The following SLC25A31 variants were observed in gnomAD, a reference collection of about 807,000 sequenced individuals.
SLC25A31 encodes ADP/ATP translocase 4.
SLC25A31 carries 40 observed loss-of-function variants against 36.2 expected under a neutral mutation model. The observed-to-expected ratio is 1.10, with a 90% confidence interval of 0.86 to 1.44. SLC25A31 has a LOEUF of 1.44. Ranked by LOEUF, SLC25A31 falls within the 40% of genes most tolerant of loss-of-function variation. The pLI is 0.00. For missense variants in SLC25A31, 350 were observed against 397.1 expected, an observed-to-expected ratio of 0.88 and a Z score of 1.01; for synonymous variants, 143 against 149.7, an observed-to-expected ratio of 0.96 and a Z score of 0.32.
At chr4:127,737,568 T>C (rs75330039) in intron 1 of SLC25A31, among the ~76,000 whole-genome samples, 6 of 151,876 alleles carry the variant, frequency 4.0e-5, no homozygotes, top group Non-Finnish European at 7.4e-5. Context: ...TTTTTTTTTT[T>C]CTTTTAGATA....
chr4:127,733,384 T>C (rs1731565706), intron 1 of SLC25A31, among the ~76,000 whole-genome samples: 1 of 152,206 alleles, frequency 6.6e-6, no homozygotes. Context: ...CAAAATGCTC[T>C]AATAAGCATT....
At chr4:127,751,835 C>G (rs1481138493) in intron 2 of SLC25A31, among the ~76,000 whole-genome samples, 1 of 152,022 alleles carries the variant, frequency 6.6e-6, no homozygotes, top group African/African-American at 2.4e-5. Flanking sequence ...TCATCACTGG[C>G]CATCAGAGAA....
intron 3 of SLC25A31, among the ~76,000 whole-genome samples, chr4:127,765,602 T>G (rs1333734404): frequency 1.3e-5 from 2 of 152,118 alleles, no homozygotes. Flanking sequence ...TGCACACATA[T>G]TCACACCCCA....
intron 2 of SLC25A31, among the ~76,000 whole-genome samples, chr4:127,751,823 C>T (rs1731938936): frequency 6.6e-6 from 1 of 152,116 alleles, no homozygotes; most frequent in African/African-American, 2.4e-5. Context: ...AAAAAATGCT[C>T]ATCATCACTG....
At chr4:127,738,557 T>C (rs1187810292) in intron 1 of SLC25A31, among the ~76,000 whole-genome samples, 2 of 152,222 alleles carry the variant, frequency 1.3e-5, no homozygotes, top group East Asian at 3.8e-4. Flanking sequence ...GTATGTTCCA[T>C]GTGTAGAAGA....
In SLC25A31 at chr4:127,762,409, G is replaced by A. The variant is rs1399882045; in HGVS notation, c.361-1834G>A. 2.0e-5 allele frequency among the ~76,000 whole-genome samples: 3 copies of A among 152,148 alleles called. No individual in the cohort carries two copies. In the East Asian group the frequency reaches 5.8e-4, roughly 29 times the overall value. On this transcript the variant is annotated intron_variant, in intron 2 of 5. Transcript: ENST00000281154. ...AGAGACAGAAAGTAGTTTAATGGTT[G>A]CCTAGGACTTAAGGAGGTAGGGAGG...
intron 2 of SLC25A31, among the ~76,000 whole-genome samples, chr4:127,753,557 A>G (rs1560635986): frequency 6.6e-6 from 1 of 152,186 alleles, no homozygotes; most frequent in Non-Finnish European, 1.5e-5. Flanking sequence ...GAAAATTTAT[A>G]TGCCAAGTAA....
intron 4 of SLC25A31, among the ~76,000 whole-genome samples, chr4:127,767,503 A>G (rs1190738858): frequency 6.6e-6 from 1 of 152,194 alleles, no homozygotes; most frequent in Non-Finnish European, 1.5e-5. Flanking sequence ...AGCTTACATC[A>G]TAATCAAATC....
In SLC25A31 at chr4:127,773,567, G is replaced by C; in HGVS notation, c.941G>C (p.Gly314Ala). 6.3e-7 allele frequency: 1 copy of C among 1,590,288 alleles called. No individual in the cohort carries two copies. Among genetic ancestry groups the C allele is most frequent in the Non-Finnish European group, 8.5e-7 (1 of 1,170,626 alleles). ...GAATTCTTTCATATTGATATTGGTGGTAGGTAATCGGGAGAGTAAATTAAG... is the reference window on the plus strand; with the variant it reads ...GAATTCTTTCATATTGATATTGGTGCTAGGTAATCGGGAGAGTAAATTAAG... ...IKEFFHIDIGGR is the reference protein window; with the variant it reads ...IKEFFHIDIGAR The change falls in exon 6 of 6, where the codon GGT becomes GCT. Residue 314 changes from glycine to alanine, a missense_variant. Coordinates refer to ENST00000281154, the MANE Select transcript of SLC25A31 (RefSeq NM_031291.4).
At chr4:127,751,559 A>C (rs1731933281) in intron 2 of SLC25A31, among the ~76,000 whole-genome samples, 1 of 152,254 alleles carries the variant, frequency 6.6e-6, no homozygotes, top group African/African-American at 2.4e-5. Context: ...AACACAAGCC[A>C]AAATTGACAA....
chr4:127,744,907 A>G (rs1414831986), intron 2 of SLC25A31, 108 bp downstream of exon 2: 3 of 885,962 alleles, frequency 3.4e-6, no homozygotes, highest in Non-Finnish European at 4.7e-6. Context: ...AATTTTCTTT[A>G]AAATGGTTAG....
intron 2 of SLC25A31, 45 bp from the exon 3 acceptor site, chr4:127,764,194 CAGTT>C: frequency 1.4e-6 from 2 of 1,458,802 alleles, no homozygotes; most frequent in African/African-American, 2.8e-5. Context: ...GTATTTTAAA[CAGTT>C]AGATTCTGTG....
chr4:127,744,691 T>A lies in SLC25A31; in HGVS notation c.252T>A (p.Arg84=). Residue 84 remains arginine (R), a synonymous_variant, in exon 2 of 6, where the codon CGT becomes CGA. Transcript: ENST00000281154. ...PREQGFFSFW[R]GNLANVIRYF... is the part of the protein sequence containing the mutation. ...CTGTAGGTTTCTTCAGTTTTTGGCG[T>A]GGCAATTTGGCAAATGTTATTCGGT... The A allele has an allele frequency of 6.3e-7, 1 of 1,599,824 alleles. No individual in the cohort carries two copies. Among genetic ancestry groups the A allele is most frequent in the Non-Finnish European group, 8.5e-7 (1 of 1,173,452 alleles).
chr4:127,732,695 G>A (rs1341229093), intron 1 of SLC25A31, among the ~76,000 whole-genome samples: 1 of 152,130 alleles, frequency 6.6e-6, no homozygotes, highest in East Asian at 1.9e-4. Flanking sequence ...CCTGGTCCTT[G>A]CTTTAAGTTC....
At chr4:127,749,484 G>T (rs1047762451) in intron 2 of SLC25A31, among the ~76,000 whole-genome samples, 2 of 152,102 alleles carry the variant, frequency 1.3e-5, no homozygotes, top group Non-Finnish European at 2.9e-5. Context: ...AGTGGCTCAG[G>T]CCTGTAATCC....
At chr4:127,749,309 C>A (rs1034675062) in intron 2 of SLC25A31, among the ~76,000 whole-genome samples, 17 of 152,126 alleles carry the variant, frequency 1.1e-4, no homozygotes, top group African/African-American at 4.1e-4. Flanking sequence ...TGAATTATGG[C>A]AGTACACAAT....
At chr4:127,766,968 G>T in intron 3 of SLC25A31, 98 bp from the exon 4 acceptor site, 1 of 1,040,312 alleles carries the variant, frequency 9.6e-7, no homozygotes, top group South Asian at 3.2e-5. Flanking sequence ...TTTGTAAGTG[G>T]GAATTTCAGA....
At position 127,768,795 on chromosome 4, in the gene SLC25A31, T is replaced by G; in HGVS notation, c.677T>G (p.Phe226Cys). Reference protein sequence around the residue: ...KPKKTPFLVSFFIAQVVTTCS... With the variant: ...KPKKTPFLVSCFIAQVVTTCS... Reference sequence around the variant, plus strand: ...AAGAAAACTCCATTTCTTGTCTCCTTTTTCATTGCTCAAGTTGTGACTACA... The same window carrying G: ...AAGAAAACTCCATTTCTTGTCTCCTGTTTCATTGCTCAAGTTGTGACTACA... Residue 226 changes from phenylalanine (F) to cysteine (C), a missense_variant, in exon 5 of 6, where the codon TTT (phenylalanine) becomes TGT (cysteine). Transcript: ENST00000281154. 6.2e-7 allele frequency: 1 copy of G among 1,609,226 alleles called. No individual in the cohort carries two copies. Among genetic ancestry groups the G allele is most frequent in the Non-Finnish European group, 8.5e-7 (1 of 1,177,760 alleles).
intron 4 of SLC25A31, 116 bp from the exon 5 acceptor site, chr4:127,768,636 G>T: frequency 6.2e-6 from 5 of 804,868 alleles, no homozygotes; most frequent in South Asian, 3.0e-5. Flanking sequence ...CATTTTTATT[G>T]CATTTTAAGT....
Sources: gnomAD v4.1 joint callset for allele counts (sites outside exome capture counted in the v4.1 genomes callset) on GRCh38, gnomAD v4.1.1 for gene constraint, MANE v1.5 for transcripts, NCBI Gene and HGNC (gene_info 2026-07-23, HGNC 2026-07-21) for gene names.